FBN1: variants seen among roughly 807,000 people sequenced by gnomAD.
FBN1 encodes the protein fibrillin 1.
A neutral mutation model predicts 365.1 loss-of-function variants in FBN1; 29 were observed. The ratio of observed to expected loss-of-function variants is 0.08; its 90% CI spans 0.06 to 0.11. FBN1 has a LOEUF of 0.11. Among genes scored for constraint, FBN1 ranks in the 10% least tolerant of loss-of-function variants. The pLI is 1.00. For missense variants in FBN1, 2,476 were observed against 3,703.2 expected (o/e 0.67, Z 8.60); for synonymous variants, 1,210 against 1,270.5 (o/e 0.95, Z 1.01).
At chr15:48,542,831 ATT>A (rs1418564134) in intron 6 of FBN1, among the ~76,000 whole-genome samples, 33 of 82,212 alleles carry the variant, frequency 4.0e-4, no homozygotes, top group African/African-American at 1.9e-3. Flanking sequence ...GTGTGTGTGT[ATT>A]TTTTTTCCTT....
chr15:48,489,183 C>T (rs2043534166), intron 25 of FBN1, among the ~76,000 whole-genome samples: 1 of 145,170 alleles, frequency 6.9e-6, no homozygotes, highest in Non-Finnish European at 1.5e-5. Context: ...TACAGGTGTG[C>T]ACCACCATGC....
At position 48,486,311 on chromosome 15, in the gene FBN1, T is replaced by G. The variant is rs548866854; in HGVS notation, c.3589+764A>C. ...TGTCCTGGGCCATGTTTCAGAAAAC[T>G]TTGGGCTGATTTATGGTTTTGGGTG... On this transcript the variant is annotated intron_variant, in intron 29 of 65. Transcript: ENST00000316623. 9.8e-5 allele frequency among the ~76,000 whole-genome samples: 15 copies of G among 152,334 alleles called. No homozygotes were observed. In the South Asian group the frequency reaches 3.1e-3, roughly 32 times the overall value.
chr15:48,534,010 G>A, intron 8 of FBN1, 70 bp downstream of exon 8: 1 of 1,598,574 alleles, frequency 6.3e-7, no homozygotes, highest in Non-Finnish European at 8.6e-7. Flanking sequence ...TTGCAAACAA[G>A]CTTGTTTCTA....
chr15:48,518,235 G>A (rs1398348313), intron 10 of FBN1, among the ~76,000 whole-genome samples: 1 of 152,186 alleles, frequency 6.6e-6, no homozygotes. Flanking sequence ...TCATCTGTAC[G>A]TGCCATATCC....
chr15:48,590,393 T>C (rs1446196885), intron 6 of FBN1, among the ~76,000 whole-genome samples: 1 of 152,240 alleles, frequency 6.6e-6, no homozygotes, highest in African/African-American at 2.4e-5. Flanking sequence ...GTTAGTCCTT[T>C]CCATTCACTA....
rs1044021136 is a variant in FBN1 at position 48,490,088 on chromosome 15, G to A, written c.2855-10C>T. 9 of 1,613,304 alleles carry A rather than the reference G, an allele frequency of 5.6e-6. No individual in the cohort carries two copies. In the African/African-American group the frequency reaches 6.7e-5, roughly 12 times the overall value. On this transcript the variant is annotated splice_polypyrimidine_tract_variant and intron_variant, in intron 24 of 65. Transcript: ENST00000316623. Reference sequence around the variant, plus strand: ...GTTTCCAGGCGGATATCTGTCAGAGGGAATCAAGGGAGGTTAAATAGAGCC... The same window carrying A: ...GTTTCCAGGCGGATATCTGTCAGAGAGAATCAAGGGAGGTTAAATAGAGCC...
At chr15:48,577,312 C>A (rs1190949767) in intron 6 of FBN1, among the ~76,000 whole-genome samples, 4 of 152,096 alleles carry the variant, frequency 2.6e-5, no homozygotes, top group African/African-American at 9.7e-5. Context: ...GATTCTGAAT[C>A]CCTAATTACA....
intron 5 of FBN1, among the ~76,000 whole-genome samples, chr15:48,597,088 T>G (rs769589575): frequency 1.3e-5 from 2 of 152,214 alleles, no homozygotes; most frequent in African/African-American, 4.8e-5. Context: ...CTGCCAAATA[T>G]GTCAGTTCCA....
intron 3 of FBN1, among the ~76,000 whole-genome samples, chr15:48,612,675 A>G (rs2044666106): frequency 6.6e-6 from 1 of 152,164 alleles, no homozygotes; most frequent in African/African-American, 2.4e-5. Flanking sequence ...AAGGCCCGTG[A>G]GTGGCCAACA....
At position 48,441,800 on chromosome 15, in the gene FBN1, T is replaced by C. The variant is rs1597529803; in HGVS notation, c.6084A>G (p.Thr2028=). ...VEEPEICALG[T]CSNTEGSFKC... is the part of the protein sequence containing the mutation. ...TGAAGCTGCCTTCAGTGTTACTGCA[T>C]GTGCCCAGGGCACAAATTTCTGGCT... The change falls in exon 50 of 66, where the codon ACA becomes ACG. Residue 2028 remains threonine, a synonymous_variant. Transcript: ENST00000316623. 1.2e-6 allele frequency: 2 copies of C among 1,613,714 alleles called. No homozygotes were observed. The highest frequency in any genetic ancestry group is 1.1e-5 in the South Asian group (1 of 91,082).
chr15:48,447,562 AT>A (rs1230682113), intron 46 of FBN1, among the ~76,000 whole-genome samples: 15 of 152,288 alleles, frequency 9.8e-5, no homozygotes, highest in African/African-American at 3.6e-4. Flanking sequence ...TAAAGAGTAG[AT>A]GCACATTATA....
chr15:48,640,374 A>G (rs1890176795), intron 2 of FBN1, among the ~76,000 whole-genome samples: 1 of 152,186 alleles, frequency 6.6e-6, no homozygotes, highest in East Asian at 1.9e-4. Context: ...ATAAATGTAA[A>G]CCATACCCCT....
chr15:48,596,981 T>C (rs1414358986), intron 5 of FBN1, among the ~76,000 whole-genome samples: 3 of 152,212 alleles, frequency 2.0e-5, no homozygotes, highest in Admixed American at 2.0e-4. Context: ...GAATTGAAAG[T>C]TCATGTGCTG....
chr15:48,504,173 T>TA (rs1337469081), intron 16 of FBN1, among the ~76,000 whole-genome samples: 1 of 152,142 alleles, frequency 6.6e-6, no homozygotes. Context: ...TTCTAGGGAG[T>TA]ATCATGGTTT....
Position 48,422,398 on chromosome 15 carries a change from C to T in FBN1, c.7454-330G>A, listed in dbSNP as rs56746675. Among the ~76,000 whole-genome samples, 3,756 of 152,092 alleles carry T rather than the reference C, an allele frequency of 0.025. 81 individuals are homozygous for T. The highest frequency in any genetic ancestry group is 0.082 in the East Asian group (423 of 5,182). ...ATTTTAAACAAATTTTTAAATGAAG[C>T]GAAAGATGAATGATTCTGCAAATTT... On this transcript the variant is annotated intron_variant, in intron 60 of 65. Transcript: ENST00000316623.
In FBN1 at chr15:48,495,459, A is replaced by T. The variant is rs878853679; in HGVS notation, c.2539+10T>A. On this transcript the variant is annotated intron_variant, in intron 21 of 65. Coordinates refer to ENST00000316623, the MANE Select transcript of FBN1 (RefSeq NM_000138.5). ...AAACATAGAAAAATCATTCTCAGAA[A>T]GATAAATACCTATGCAGATGGTTTT... 3.7e-6 allele frequency: 6 copies of T among 1,612,210 alleles called. No homozygotes were observed. The highest frequency in any genetic ancestry group is 5.1e-6 in the Non-Finnish European group (6 of 1,179,582).
chr15:48,588,750 T>G (rs2044454435), intron 6 of FBN1, among the ~76,000 whole-genome samples: 1 of 152,116 alleles, frequency 6.6e-6, no homozygotes, highest in South Asian at 2.1e-4. Flanking sequence ...AAGTAGCAAG[T>G]GATGGGAAGC....
chr15:48,614,312 C>T (rs907128999), intron 2 of FBN1, among the ~76,000 whole-genome samples: 8 of 152,160 alleles, frequency 5.3e-5, no homozygotes, highest in African/African-American at 1.9e-4. Context: ...CACTGTAAAC[C>T]CAAAAGCATA....
rs538311184 is a variant in FBN1, at chr15:48,485,690, C to G, written c.3590-194G>C. On this transcript the variant is annotated intron_variant, in intron 29 of 65. Coordinates refer to ENST00000316623, the MANE Select transcript of FBN1 (RefSeq NM_000138.5). ...TATAAAAGATCAAGTTCAGCCCCCT[C>G]TTGCTCTCTTTCACCCTCGTGCTTT... Among the ~76,000 whole-genome samples the G allele has an allele frequency of 5.3e-4, 80 of 152,298 alleles. 1 individual carries two copies. Among genetic ancestry groups the G allele is most frequent in the African/African-American group, 1.6e-3 (66 of 41,568 alleles).
Sources: gnomAD v4.1 joint callset for allele counts (sites outside exome capture counted in the v4.1 genomes callset) on GRCh38, gnomAD v4.1.1 for gene constraint, MANE v1.5 for transcripts, NCBI Gene and HGNC (gene_info 2026-07-23, HGNC 2026-07-21) for gene names.